Variants in DIAPH2 observed in about 807,000 individuals in gnomAD.
DIAPH2 encodes the protein diaphanous related formin 2, also known as protein diaphanous homolog 2.
A neutral mutation model predicts 92.7 loss-of-function variants in DIAPH2; 35 were observed. That is an observed-to-expected ratio of 0.38 (90% CI 0.29 to 0.50). The LOEUF (loss-of-function observed/expected upper bound fraction) is 0.50. DIAPH2 is among the 20% of genes least tolerant of loss of function. The pLI, the probability that DIAPH2 is intolerant of heterozygous loss-of-function variation, is 0.94. For synonymous variants in DIAPH2, 301 were observed against 280.4 expected (o/e 1.07, Z -0.73); for missense variants, 701 against 819.5 (o/e 0.86, Z 1.77).
At chrX:97,201,772 A>G (rs2067752761) in intron 22 of DIAPH2, among the ~76,000 whole-genome samples, 1 of 111,013 alleles carries the variant, frequency 9.0e-6, no homozygotes, top group South Asian at 3.8e-4. Flanking sequence ...AACGTCCCCA[A>G]CCTAGCAAGA....
chrX:97,268,319 ATACTC>A (rs1569345928), intron 23 of DIAPH2, among the ~76,000 whole-genome samples: 2 of 112,525 alleles, frequency 1.8e-5, no homozygotes, highest in South Asian at 3.6e-4. Context: ...TGTATTATTT[ATACTC>A]TACCTACTTC....
At chrX:97,350,974 A>G (rs2069206916) in intron 24 of DIAPH2, among the ~76,000 whole-genome samples, 1 of 112,244 alleles carries the variant, frequency 8.9e-6, no homozygotes, top group South Asian at 3.7e-4. Flanking sequence ...TAACTTTCAA[A>G]ACAAGTAATC....
At chrX:97,272,182 A>G (rs752885018) in intron 23 of DIAPH2, among the ~76,000 whole-genome samples, 123 of 110,228 alleles carry the variant, frequency 1.1e-3, no homozygotes, top group African/African-American at 4.0e-3. Flanking sequence ...TATTTTTAGT[A>G]GAGACGGGGT....
intron 26 of DIAPH2, among the ~76,000 whole-genome samples, chrX:97,452,817 G>A (rs1040081258): frequency 1.8e-5 from 2 of 112,165 alleles, no homozygotes; most frequent in Non-Finnish European, 1.9e-5. Context: ...ATAATATGTC[G>A]TCAGTAAAGA....
rs147882487 is a variant in DIAPH2 at position 97,572,751 on chromosome X, A to G, written c.3242-26502A>G. Among the ~76,000 whole-genome samples, 981 of 111,990 alleles carry G rather than the reference A, an allele frequency of 8.8e-3. 8 individuals are homozygous for G. Among genetic ancestry groups the G allele is most frequent in the African/African-American group, 0.029 (889 of 30,812 alleles). ...CCCTTCTGAACATTAACTATTTTAA[A>G]GATCCGAGTGTATTATGGCAGGGAA... On this transcript the variant is annotated intron_variant, in intron 26 of 26. Transcript: ENST00000324765.
In DIAPH2 at chrX:96,839,751, T is replaced by G. The variant is rs1427747362; in HGVS notation, c.448-41828T>G. Among the ~76,000 whole-genome samples the G allele has an allele frequency of 4.5e-5, 5 of 112,080 alleles. No homozygotes were observed. The Admixed American group carries it at 4.7e-4, about 11-fold the overall frequency. ...TTCTTAAAATTAATGTTGGTGCTTA[T>G]AATGTTATTTTGTATTTGGTGGTTT... On this transcript the variant is annotated intron_variant, in intron 4 of 26. Transcript: ENST00000324765.
intron 5 of DIAPH2, among the ~76,000 whole-genome samples, chrX:96,889,822 A>G (rs1461527111): frequency 8.9e-6 from 1 of 112,043 alleles, no homozygotes; most frequent in Non-Finnish European, 1.9e-5. Context: ...CTGGAGGAGT[A>G]ATGTTGTTAG....
intron 4 of DIAPH2, among the ~76,000 whole-genome samples, chrX:96,786,930 G>A (rs2064460608): frequency 8.9e-6 from 1 of 111,881 alleles, no homozygotes; most frequent in Non-Finnish European, 1.9e-5. Context: ...TTTATATTAT[G>A]TACCGTGATG....
At chrX:97,072,078 A>AG (rs1186063350) in intron 17 of DIAPH2, among the ~76,000 whole-genome samples, 1 of 111,809 alleles carries the variant, frequency 8.9e-6, no homozygotes, top group Non-Finnish European at 1.9e-5. Context: ...CCAACACTTG[A>AG]GTACAATGGT....
intron 25 of DIAPH2, among the ~76,000 whole-genome samples, chrX:97,406,414 C>A (rs917955145): frequency 1.8e-5 from 2 of 111,232 alleles, no homozygotes; most frequent in Non-Finnish European, 1.9e-5. Context: ...TCTAAATATG[C>A]TTTTCCTTCT....
chrX:97,279,969 G>T (rs2068483298), intron 23 of DIAPH2, among the ~76,000 whole-genome samples: 1 of 111,535 alleles, frequency 9.0e-6, no homozygotes, highest in Non-Finnish European at 1.9e-5. Flanking sequence ...CATAAATATA[G>T]ATATATGGAT....
rs192857774 is a variant in DIAPH2 at position 96,729,051 on chromosome X, T to C, written c.133-6707T>C. ...ATCAATCAATATGTAAGAAGTACAT[T>C]AGTTCCATCCAGAAATGTGGAGACA... On this transcript the variant is annotated intron_variant, in intron 1 of 26. Transcript: ENST00000324765. Among the ~76,000 whole-genome samples the C allele has an allele frequency of 5.5e-3, 622 of 112,271 alleles. 5 individuals carry two copies. Among genetic ancestry groups the C allele is most frequent in the Middle Eastern group, 0.018 (4 of 217 alleles).
At chrX:96,998,373 G>A (rs749702068) in intron 17 of DIAPH2, among the ~76,000 whole-genome samples, 43 of 110,944 alleles carry the variant, frequency 3.9e-4, no homozygotes, top group Non-Finnish European at 7.2e-4. Context: ...AGAAATGACA[G>A]TTGTATTAGA....
At chrX:97,095,306 C>A (rs1305933113) in intron 19 of DIAPH2, among the ~76,000 whole-genome samples, 1 of 103,830 alleles carries the variant, frequency 9.6e-6, no homozygotes, top group Non-Finnish European at 2.0e-5. Flanking sequence ...TTAGTAGAGA[C>A]GGGGTTTCAC....
At chrX:96,955,690 A>G (rs1468657760) in intron 15 of DIAPH2, among the ~76,000 whole-genome samples, 2 of 112,251 alleles carry the variant, frequency 1.8e-5, no homozygotes, top group African/African-American at 6.5e-5. Flanking sequence ...TGCAGGCCCC[A>G]TGCAAGTCTA....
At chrX:97,141,050 T>C (rs1569311030) in intron 21 of DIAPH2, among the ~76,000 whole-genome samples, 1 of 111,513 alleles carries the variant, frequency 9.0e-6, no homozygotes, top group Non-Finnish European at 1.9e-5. Flanking sequence ...CCATTCTAAC[T>C]GTGGCATCTC....
chrX:97,411,264 A>G (rs182467423), intron 25 of DIAPH2, among the ~76,000 whole-genome samples: 92 of 112,281 alleles, frequency 8.2e-4, no homozygotes, highest in African/African-American at 2.9e-3. Context: ...TTCTTAAAGA[A>G]AAGAATTTTC....
chrX:97,261,194 C>CGT (rs1469055372), intron 23 of DIAPH2, among the ~76,000 whole-genome samples: 13 of 112,149 alleles, frequency 1.2e-4, no homozygotes, highest in Non-Finnish European at 1.7e-4. Context: ...CAAGTGCACA[C>CGT]GTGTGTGTGT....
At chrX:96,839,446 C>T (rs1465373593) in intron 4 of DIAPH2, among the ~76,000 whole-genome samples, 1 of 111,263 alleles carries the variant, frequency 9.0e-6, no homozygotes, top group African/African-American at 3.3e-5. Flanking sequence ...TAGAGAATCT[C>T]TCTGATTATG....
Sources: allele counts gnomAD v4.1 joint callset (sites outside exome capture counted in the v4.1 genomes callset), GRCh38; gene constraint gnomAD v4.1.1; transcripts MANE v1.5; gene names NCBI Gene and HGNC (gene_info 2026-07-23, HGNC 2026-07-21).